SLAMF6: variants seen among roughly 807,000 people sequenced by gnomAD.
The protein encoded by SLAMF6 is SLAM family member 6.
In SLAMF6, 21 loss-of-function variants were observed where a neutral mutation model predicts 38.3. The observed-to-expected ratio is 0.55, with a 90% CI of 0.39 to 0.79. SLAMF6 has a LOEUF of 0.79. Ranked by LOEUF, SLAMF6 falls within the 30% of genes least tolerant of loss-of-function variation. The pLI is 0.00. For missense variants in SLAMF6, 341 were observed against 385.3 expected, an observed-to-expected ratio of 0.89 and a Z score of 0.96; for synonymous variants, 152 against 146.3, an observed-to-expected ratio of 1.04 and a Z score of -0.28.
chr1:160,517,756 G>T (rs915375037), intron 1 of SLAMF6, among the ~76,000 whole-genome samples: 1 of 152,124 alleles, frequency 6.6e-6, no homozygotes, highest in Non-Finnish European at 1.5e-5. Context: ...TACAAGAACA[G>T]AAAACCAAAC....
At chr1:160,494,907 A>T (rs1653495512) in intron 2 of SLAMF6, among the ~76,000 whole-genome samples, 1 of 152,090 alleles carries the variant, frequency 6.6e-6, no homozygotes, top group African/African-American at 2.4e-5. Context: ...CTATTTCAGC[A>T]GCCTCAGGAA....
chr1:160,494,616 A>G (rs1653475208), intron 2 of SLAMF6, among the ~76,000 whole-genome samples: 1 of 152,200 alleles, frequency 6.6e-6, no homozygotes, highest in Non-Finnish European at 1.5e-5. Context: ...AAACCCAATG[A>G]CAAATGTTCC....
chr1:160,489,003 G>A (rs769165874), intron 6 of SLAMF6, 85 bp downstream of exon 6: 1 of 1,281,520 alleles, frequency 7.8e-7, no homozygotes, highest in Non-Finnish European at 1.1e-6. Flanking sequence ...GTGGTCATTT[G>A]TTCAGTCAGA....
intron 4 of SLAMF6, 36 bp downstream of exon 4, chr1:160,490,539 T>C (rs753412695): frequency 1.1e-5 from 17 of 1,604,754 alleles, no homozygotes; most frequent in South Asian, 2.2e-5. Context: ...CACTGGAACC[T>C]TGGAGAAGAG....
chr1:160,491,506 G>C, intron 2 of SLAMF6, 118 bp from the exon 3 acceptor site: 2 of 1,408,658 alleles, frequency 1.4e-6, no homozygotes, highest in Non-Finnish European at 1.9e-6. Context: ...GTTATGGTCT[G>C]TAGACTCTGT....
intron 1 of SLAMF6, among the ~76,000 whole-genome samples, chr1:160,519,811 T>C (rs1036608559): frequency 6.6e-6 from 1 of 151,786 alleles, no homozygotes; most frequent in African/African-American, 2.4e-5. Context: ...GAATGGGAAA[T>C]GACTGCTTAG....
At chr1:160,487,254 T>C (rs181353561) in intron 6 of SLAMF6, 79 bp from the exon 7 acceptor site, 3 of 1,310,362 alleles carry the variant, frequency 2.3e-6, no homozygotes, top group South Asian at 2.6e-5. Context: ...GGAAAGACTG[T>C]GTGACAAAAA....
At chr1:160,504,237 C>T (rs1654065511) in intron 1 of SLAMF6, among the ~76,000 whole-genome samples, 1 of 151,954 alleles carries the variant, frequency 6.6e-6, no homozygotes, top group African/African-American at 2.4e-5. Context: ...GTATTGTATA[C>T]CGAACATTTG....
intron 1 of SLAMF6, among the ~76,000 whole-genome samples, chr1:160,509,831 TAAAC>T (rs1394503714): frequency 2.0e-5 from 3 of 151,998 alleles, no homozygotes; most frequent in South Asian, 2.1e-4. Context: ...TTTGAAAAGA[TAAAC>T]AAAATTGACA....
intron 5 of SLAMF6, 55 bp downstream of exon 5, chr1:160,490,143 C>T (rs769247537): frequency 6.3e-7 from 1 of 1,586,194 alleles, no homozygotes. Context: ...CTCTCTCTTC[C>T]ATTTGGCTCT....
intron 1 of SLAMF6, among the ~76,000 whole-genome samples, chr1:160,519,059 A>T (rs1654871135): frequency 6.6e-6 from 1 of 152,230 alleles, no homozygotes; most frequent in African/African-American, 2.4e-5. Context: ...TTTTCAGGTC[A>T]TGTATTAAAG....
At chr1:160,493,927 A>G (rs889580828) in intron 2 of SLAMF6, among the ~76,000 whole-genome samples, 1 of 152,108 alleles carries the variant, frequency 6.6e-6, no homozygotes, top group Non-Finnish European at 1.5e-5. Flanking sequence ...TATCATGAGA[A>G]CAGCATGGGG....
chr1:160,504,017 C>CAAAAAAA (rs10648306), intron 1 of SLAMF6, among the ~76,000 whole-genome samples: 3 of 86,700 alleles, frequency 3.5e-5, no homozygotes, highest in African/African-American at 1.5e-4. Flanking sequence ...GACTCTATCT[C>CAAAAAAA]AAAAAAAAAA....
intron 2 of SLAMF6, among the ~76,000 whole-genome samples, chr1:160,492,319 G>T (rs981153023): frequency 7.2e-5 from 11 of 152,162 alleles, no homozygotes; most frequent in African/African-American, 1.9e-4. Flanking sequence ...TGGAGTATCT[G>T]TACTGAAATA....
At chr1:160,501,381 C>T (rs1439229334) in intron 1 of SLAMF6, among the ~76,000 whole-genome samples, 1 of 152,216 alleles carries the variant, frequency 6.6e-6, no homozygotes, top group African/African-American at 2.4e-5. Context: ...TGCAGTTATA[C>T]ATGCAATTGC....
intron 1 of SLAMF6, among the ~76,000 whole-genome samples, chr1:160,514,529 C>T (rs1273915132): frequency 6.6e-6 from 1 of 152,156 alleles, no homozygotes; most frequent in Non-Finnish European, 1.5e-5. Flanking sequence ...CAAAACTCTC[C>T]ATCCTACAAC....
intron 1 of SLAMF6, among the ~76,000 whole-genome samples, chr1:160,510,456 A>G (rs1401520043): frequency 1.3e-5 from 2 of 152,342 alleles, no homozygotes; most frequent in East Asian, 3.9e-4. Context: ...CAATCAATGC[A>G]GTATATGATA....
At chr1:160,488,650 T>TCCCCTAAGA (rs1402573094) in intron 6 of SLAMF6, among the ~76,000 whole-genome samples, 1 of 152,030 alleles carries the variant, frequency 6.6e-6, no homozygotes, top group Non-Finnish European at 1.5e-5. Flanking sequence ...ACTTCTGAAC[T>TCCCCTAAGA]CCCCTAAGAC....
At chr1:160,500,602 G>A (rs1346600868) in intron 1 of SLAMF6, among the ~76,000 whole-genome samples, 2 of 151,958 alleles carry the variant, frequency 1.3e-5, no homozygotes, top group Non-Finnish European at 2.9e-5. Context: ...TTACCATCTA[G>A]TATACTTTAT....
Sources: allele counts gnomAD v4.1 joint callset (sites outside exome capture counted in the v4.1 genomes callset), GRCh38; gene constraint gnomAD v4.1.1; transcripts MANE v1.5; gene names NCBI Gene and HGNC (gene_info 2026-07-23, HGNC 2026-07-21).